Variants in RAPGEF1 observed in about 807,000 individuals in gnomAD.
The protein encoded by RAPGEF1 is CRK SH3-binding GNRP.
A neutral mutation model predicts 143.3 loss-of-function variants in RAPGEF1; 33 were observed. The observed-to-expected ratio is 0.23, with a 90% CI of 0.17 to 0.31. RAPGEF1 has a LOEUF of 0.31. RAPGEF1 is among the 10% of genes least tolerant of loss of function. The pLI is 1.00. For missense variants in RAPGEF1, 1,199 were observed against 1,645.4 expected (o/e 0.73, Z 4.69); for synonymous variants, 629 against 676.5 (o/e 0.93, Z 1.09).
In RAPGEF1 at chr9:131,626,467, C is replaced by T. The variant is rs766860762; in HGVS notation, c.1202-45G>A. 27 of 1,510,580 alleles carry T rather than the reference C, an allele frequency of 1.8e-5. No individual in the cohort carries two copies. In the East Asian group the frequency reaches 5.9e-4, roughly 33 times the overall value. 93.6% of individuals were successfully genotyped at this position (1,510,580 alleles called of 1,614,324 possible). A position where few individuals can be genotyped will look rare whatever the true frequency, so the allele number is the denominator to read the frequency against. ...AAAAGAGACCCGTTAGCCACAGGCCCTGCAGGAGCAGCCAGCTCCCCCCGC... is the reference window on the plus strand; with the variant it reads ...AAAAGAGACCCGTTAGCCACAGGCCTTGCAGGAGCAGCCAGCTCCCCCCGC... On this transcript the variant is annotated intron_variant, in intron 9 of 26. Transcript: ENST00000683357.
In RAPGEF1 at chr9:131,650,424, GGCCCTAAA is replaced by G. The variant is rs1257751152; in HGVS notation, c.202-190_202-183del. Among the ~76,000 whole-genome samples, 1 of 152,196 alleles carries G rather than the reference GGCCCTAAA, an allele frequency of 6.6e-6. No homozygotes were observed. Among genetic ancestry groups the G allele is most frequent in the African/African-American group, 2.4e-5 (1 of 41,442 alleles). ...AGGGGTTTGCATGTTTCAGAGCACA[GGCCCTAAA>G]GCCAAATGATGGATGTTCTGGACAT... On this transcript the variant is annotated intron_variant, in intron 2 of 26. Transcript: ENST00000683357. The surrounding 1 kb of genome is among the most constrained non-coding windows in gnomAD (Gnocchi z 4.7).
Position 131,650,377 on chromosome 9 carries a change from G to T in RAPGEF1, c.202-135C>A. 1.5e-6 allele frequency: 1 copy of T among 654,134 alleles called. No homozygotes were observed. Among genetic ancestry groups the T allele is most frequent in the Non-Finnish European group, 2.6e-6 (1 of 382,648 alleles). The allele number at this position is 654,134 out of a possible 1,614,324, so 40.5% of individuals were successfully genotyped here. On this transcript the variant is annotated intron_variant, in intron 2 of 26. Coordinates refer to ENST00000683357, the MANE Select transcript of RAPGEF1 (RefSeq NM_001377935.1). The surrounding 1 kb of genome is among the most constrained non-coding windows in gnomAD (Gnocchi z 4.7). ...CCCTGCTGAGGCCACTAACTCTTGAGGACATCTTTGGCTGTGTCTCAAGGG... is the reference window on the plus strand; with the variant it reads ...CCCTGCTGAGGCCACTAACTCTTGATGACATCTTTGGCTGTGTCTCAAGGG...
intron 1 of RAPGEF1, among the ~76,000 whole-genome samples, chr9:131,677,651 C>T (rs1230923133): frequency 6.6e-6 from 1 of 152,188 alleles, no homozygotes; most frequent in African/African-American, 2.4e-5. Context: ...AAAGACGCAA[C>T]CAAACTACCA....
intron 1 of RAPGEF1, among the ~76,000 whole-genome samples, chr9:131,715,916 T>C (rs1235741125): frequency 6.7e-6 from 1 of 148,958 alleles, no homozygotes; most frequent in Non-Finnish European, 1.5e-5. Flanking sequence ...GCCCAACTCA[T>C]TACAATAAAA....
At position 131,714,222 on chromosome 9, in the gene RAPGEF1, A is replaced by G. The variant is rs151159757; in HGVS notation, c.61+25548T>C. On this transcript the variant is annotated intron_variant, in intron 1 of 26. Transcript: ENST00000683357. ...AGAGGGGTAATATTGTGGCCACTGAAGTAGGAAACATTTTAAGGAGTGCCT... is the reference window on the plus strand; with the variant it reads ...AGAGGGGTAATATTGTGGCCACTGAGGTAGGAAACATTTTAAGGAGTGCCT... Among the ~76,000 whole-genome samples the G allele has an allele frequency of 9.1e-3, 1,386 of 152,210 alleles. 9 individuals are homozygous for G. The highest frequency in any genetic ancestry group is 0.014 in the Admixed American group (220 of 15,294).
At chr9:131,657,144 A>G (rs990617893) in intron 1 of RAPGEF1, among the ~76,000 whole-genome samples, 1 of 152,176 alleles carries the variant, frequency 6.6e-6, no homozygotes, top group Admixed American at 6.5e-5. Flanking sequence ...AGGAGGTACT[A>G]TAATGCTTTG....
chr9:131,738,826 T>C (rs1008179358), intron 1 of RAPGEF1, among the ~76,000 whole-genome samples: 19 of 152,136 alleles, frequency 1.2e-4, no homozygotes, highest in African/African-American at 4.3e-4. Context: ...TATCCCAGAT[T>C]CAACCCAGGA....
Position 131,587,033 on chromosome 9 carries a change from CA to C in RAPGEF1, c.3233+702del, listed in dbSNP as rs1384342166. Among the ~76,000 whole-genome samples, 47 of 128,858 alleles carry C rather than the reference CA, an allele frequency of 3.6e-4. 1 individual carries two copies. Among genetic ancestry groups the C allele is most frequent in the African/African-American group, 1.0e-3 (32 of 31,832 alleles). 84.5% of individuals were successfully genotyped at this position (128,858 alleles called of 152,430 possible). A position where few individuals can be genotyped will look rare whatever the true frequency, so the allele number is the denominator to read the frequency against. On this transcript the variant is annotated intron_variant, in intron 22 of 26. Coordinates refer to ENST00000683357, the MANE Select transcript of RAPGEF1 (RefSeq NM_001377935.1). ...TCAAACACACACACACACACACACA[CA>C]CACACCCCTGCAGAGCGAGACTCCG...
At chr9:131,676,936 A>AGGGGGTG (rs1832444308) in intron 1 of RAPGEF1, among the ~76,000 whole-genome samples, 1 of 152,094 alleles carries the variant, frequency 6.6e-6, no homozygotes, top group Non-Finnish European at 1.5e-5. Flanking sequence ...CTCTGGGGGT[A>AGGGGGTG]GGCCCAGCAA....
At chr9:131,705,325 C>T (rs986806345) in intron 1 of RAPGEF1, among the ~76,000 whole-genome samples, 7 of 151,792 alleles carry the variant, frequency 4.6e-5, no homozygotes, top group African/African-American at 7.3e-5. Context: ...TGCGACTGCC[C>T]GCCCTCAGGT....
chr9:131,617,653 T>G (rs1029462274), intron 12 of RAPGEF1, among the ~76,000 whole-genome samples: 2 of 152,170 alleles, frequency 1.3e-5, no homozygotes, highest in African/African-American at 4.8e-5. Flanking sequence ...ACTAAGACAA[T>G]GAGAGCAAGA....
rs1294389521 is a variant in RAPGEF1 at position 131,626,036 on chromosome 9, A to T, written c.1588T>A (p.Phe530Ile). ...GGGGCTGAGGAACCTCCATGCTGAA[A>T]GGGCAGAATAGCAGCAAAGGGCGCG... ...PYAPFAAILP[F>I]QHGGSSAPVE... The change falls in exon 10 of 27, where the codon TTT becomes ATT. Residue 530 changes from phenylalanine (F) to isoleucine (I), a missense_variant. This residue lies in a region of RAPGEF1 where 613 missense variants were observed against 710.9 expected (regional missense o/e 0.86). Coordinates refer to ENST00000683357, the MANE Select transcript of RAPGEF1 (RefSeq NM_001377935.1). 1.2e-6 allele frequency: 2 copies of T among 1,612,526 alleles called. No homozygotes were observed. Among genetic ancestry groups the T allele is most frequent in the Admixed American group, 1.7e-5 (1 of 59,980 alleles).
At position 131,629,717 on chromosome 9, in the gene RAPGEF1, AGAG is replaced by A. The variant is rs944968789; in HGVS notation, c.741-466_741-464del. On this transcript the variant is annotated intron_variant, in intron 6 of 26. Transcript: ENST00000683357. ...GAGGCAAGAGAATTGCTCTAATCTGAGAGGAGGAGGCTGCAATGAGCCCAGATC... is the reference window on the plus strand; with the variant it reads ...GAGGCAAGAGAATTGCTCTAATCTGAGAGGAGGCTGCAATGAGCCCAGATC... Among the ~76,000 whole-genome samples the A allele has an allele frequency of 1.5e-4, 23 of 152,082 alleles. 1 individual carries two copies. Among genetic ancestry groups the A allele is most frequent in the Admixed American group, 1.2e-3 (19 of 15,280 alleles).
chr9:131,711,501 T>C (rs1835504128), intron 1 of RAPGEF1, among the ~76,000 whole-genome samples: 2 of 151,836 alleles, frequency 1.3e-5, no homozygotes, highest in African/African-American at 4.8e-5. Context: ...GGATTACAGG[T>C]GTGCGCCACC....
intron 1 of RAPGEF1, among the ~76,000 whole-genome samples, chr9:131,660,155 A>G (rs1200334613): frequency 1.3e-5 from 2 of 152,196 alleles, no homozygotes; most frequent in East Asian, 3.9e-4. Context: ...ACATGGAAAG[A>G]TCCTCTGTCT....
intron 1 of RAPGEF1, among the ~76,000 whole-genome samples, chr9:131,701,731 A>G (rs1834664543): frequency 6.6e-6 from 1 of 152,186 alleles, no homozygotes. Flanking sequence ...TCACTGTTAT[A>G]TTGCTATCCT....
intron 1 of RAPGEF1, among the ~76,000 whole-genome samples, chr9:131,709,105 T>C (rs1835314505): frequency 6.6e-6 from 1 of 152,050 alleles, no homozygotes; most frequent in Non-Finnish European, 1.5e-5. Context: ...TCCCAGCACT[T>C]TGGGAAGCTG....
intron 16 of RAPGEF1, 64 bp from the exon 17 acceptor site, chr9:131,596,437 A>C: frequency 6.6e-7 from 1 of 1,522,022 alleles, no homozygotes; most frequent in East Asian, 2.3e-5. Context: ...TCAGTTTAGG[A>C]AGAAACAGGC....
chr9:131,627,002 T>TC (rs55975033), intron 9 of RAPGEF1, among the ~76,000 whole-genome samples: 7 of 151,712 alleles, frequency 4.6e-5, no homozygotes, highest in African/African-American at 1.7e-4. Flanking sequence ...GCAGATCACC[T>TC]AGAGTTCAAG....
Sources: allele counts gnomAD v4.1 joint callset (sites outside exome capture counted in the v4.1 genomes callset), GRCh38; gene constraint gnomAD v4.1.1; regional missense constraint gnomAD v4.1.1; non-coding constraint Gnocchi (gnomAD v3.1); transcripts MANE v1.5; gene names NCBI Gene and HGNC (gene_info 2026-07-23, HGNC 2026-07-21).